PSAT1: variants seen among roughly 807,000 people sequenced by gnomAD.
PSAT1 encodes phosphoserine aminotransferase.
In PSAT1, 41 loss-of-function variants were observed where a neutral mutation model predicts 40.3. The observed-to-expected ratio is 1.02, with a 90% CI of 0.79 to 1.32. The LOEUF (loss-of-function observed/expected upper bound fraction) is 1.32, where lower values mean the gene tolerates loss of function less well. Among genes scored for constraint, PSAT1 ranks in the 40% most tolerant of loss-of-function variants. PSAT1 has a pLI of 0.00. For missense variants in PSAT1, 406 were observed against 455.8 expected (o/e 0.89, Z 0.99); for synonymous variants, 147 against 170.5 (o/e 0.86, Z 1.07).
chr9:78,303,429 A>G (rs1043244937), intron 3 of PSAT1, among the ~76,000 whole-genome samples: 1 of 152,116 alleles, frequency 6.6e-6, no homozygotes, highest in Non-Finnish European at 1.5e-5. Context: ...ATTTGACCAC[A>G]TGGCTATGAA....
intron 4 of PSAT1, among the ~76,000 whole-genome samples, chr9:78,305,203 C>T (rs1025438596): frequency 1.3e-4 from 20 of 152,230 alleles, no homozygotes; most frequent in African/African-American, 4.8e-4. Flanking sequence ...CAACCTCCGC[C>T]TCCCAGGTTC....
intron 6 of PSAT1, among the ~76,000 whole-genome samples, chr9:78,316,629 A>G (rs1335497210): frequency 6.6e-6 from 1 of 152,102 alleles, no homozygotes; most frequent in East Asian, 1.9e-4. Flanking sequence ...TACTGGCTGG[A>G]GGGTGGAGTT....
chr9:78,305,823 G>C (rs774842158), intron 4 of PSAT1, among the ~76,000 whole-genome samples: 3 of 152,178 alleles, frequency 2.0e-5, no homozygotes, highest in Non-Finnish European at 4.4e-5. Flanking sequence ...AATGGATGTA[G>C]GATAGATGGA....
intron 4 of PSAT1, among the ~76,000 whole-genome samples, chr9:78,305,810 A>G (rs1179890439): frequency 2.6e-5 from 4 of 152,238 alleles, no homozygotes; most frequent in African/African-American, 9.6e-5. Flanking sequence ...CTACTAGTCC[A>G]TCAATGGATG....
chr9:78,311,242 G>A (rs1029905538), intron 6 of PSAT1, among the ~76,000 whole-genome samples: 1 of 152,090 alleles, frequency 6.6e-6, no homozygotes, highest in Admixed American at 6.5e-5. Context: ...GCCTCCGGGG[G>A]AAGGGGCCGA....
At chr9:78,310,784 T>A (rs556205882) in intron 6 of PSAT1, among the ~76,000 whole-genome samples, 26 of 152,080 alleles carry the variant, frequency 1.7e-4, no homozygotes, top group South Asian at 1.5e-3. Flanking sequence ...CTTTTCGTAT[T>A]TTTAGTAGAG....
chr9:78,329,051 T>C lies in PSAT1; in HGVS notation c.1078T>C (p.Phe360Leu). The C allele has an allele frequency of 6.2e-7, 1 of 1,612,790 alleles. No homozygotes were observed. The highest frequency in any genetic ancestry group is 8.5e-7 in the Non-Finnish European group (1 of 1,179,840). The change falls in exon 9 of 9, where the codon TTC becomes CTC. Residue 360 changes from phenylalanine (F) to leucine (L), a missense_variant. Transcript: ENST00000376588. ...TGAAGACGTTCAGAAGCTGGCCGCC[T>C]TCATGAAAAAATTTTTGGAGATGCA... ...TIEDVQKLAA[F>L]MKKFLEMHQL is the part of the protein sequence containing the mutation.
intron 7 of PSAT1, among the ~76,000 whole-genome samples, chr9:78,325,053 G>A (rs540380788): frequency 3.7e-4 from 56 of 152,168 alleles, no homozygotes; most frequent in African/African-American, 1.3e-3. Flanking sequence ...GAATCAAAAT[G>A]TAAATACACA....
At chr9:78,313,597 G>A (rs1828297890) in intron 6 of PSAT1, among the ~76,000 whole-genome samples, 1 of 152,066 alleles carries the variant, frequency 6.6e-6, no homozygotes, top group African/African-American at 2.4e-5. Flanking sequence ...AATATACCAT[G>A]GGCATTCTGC....
At chr9:78,309,282 C>T (rs1431952154) in intron 6 of PSAT1, among the ~76,000 whole-genome samples, 1 of 152,244 alleles carries the variant, frequency 6.6e-6, no homozygotes, top group Non-Finnish European at 1.5e-5. Context: ...TGGGCCTCCC[C>T]TGCCTTCATT....
chr9:78,328,556 C>T (rs1473212246), intron 8 of PSAT1, among the ~76,000 whole-genome samples: 2 of 152,198 alleles, frequency 1.3e-5, no homozygotes, highest in Admixed American at 1.3e-4. Context: ...AGTAGCTAGT[C>T]TTGCATGCTC....
At chr9:78,303,725 A>T (rs1423340672) in intron 3 of PSAT1, among the ~76,000 whole-genome samples, 1 of 152,118 alleles carries the variant, frequency 6.6e-6, no homozygotes, top group Non-Finnish European at 1.5e-5. Context: ...TCAGGACAAG[A>T]TATTTACACT....
At chr9:78,313,496 GCAAATATACAGAGT>G (rs1828296606) in intron 6 of PSAT1, among the ~76,000 whole-genome samples, 1 of 152,162 alleles carries the variant, frequency 6.6e-6, no homozygotes, top group African/African-American at 2.4e-5. Context: ...CTGGGCATAT[GCAAATATACAGAGT>G]CATATATTTA....
intron 1 of PSAT1, among the ~76,000 whole-genome samples, chr9:78,298,144 G>A (rs1294427366): frequency 6.6e-6 from 1 of 151,956 alleles, no homozygotes; most frequent in Non-Finnish European, 1.5e-5. Context: ...GCCTTCCCAG[G>A]CCCCAGCCCG....
chr9:78,317,946 T>C lies in PSAT1; in HGVS notation c.869+142T>C, dbSNP rs979961760. ...TGAGTGTGTGTGGTCCTGGGCCCCATGAGCAGGGGAGTGGGTGGTGAGTTC... is the reference window on the plus strand; with the variant it reads ...TGAGTGTGTGTGGTCCTGGGCCCCACGAGCAGGGGAGTGGGTGGTGAGTTC... On this transcript the variant is annotated intron_variant, in intron 7 of 8. Transcript: ENST00000376588. The C allele has an allele frequency of 6.3e-5, 67 of 1,062,972 alleles. 2 individuals are homozygous for C. In the South Asian group the frequency reaches 8.5e-4, roughly 14 times the overall value. The allele number at this position is 1,062,972 out of a possible 1,614,324, so 65.8% of individuals were successfully genotyped here.
At chr9:78,301,387 C>T (rs990050453) in intron 2 of PSAT1, among the ~76,000 whole-genome samples, 4 of 152,290 alleles carry the variant, frequency 2.6e-5, no homozygotes, top group African/African-American at 7.2e-5. Context: ...ATGAAGACCT[C>T]GCACATTGAT....
chr9:78,308,667 C>T (rs1828221480), intron 6 of PSAT1, 84 bp downstream of exon 6: 4 of 1,533,514 alleles, frequency 2.6e-6, no homozygotes, highest in Non-Finnish European at 3.6e-6. Flanking sequence ...TAAAATAAAA[C>T]ATGTAAGCCT....
chr9:78,303,226 A>ATATTTTTGATAT (rs1162754575), intron 3 of PSAT1, among the ~76,000 whole-genome samples: 1 of 152,186 alleles, frequency 6.6e-6, no homozygotes, highest in Non-Finnish European at 1.5e-5. Flanking sequence ...TGATAAAATG[A>ATATTTTTGATAT]TTCAGATGGG....
In PSAT1 at chr9:78,317,703, G is replaced by A. The variant is rs752829741; in HGVS notation, c.768G>A (p.Glu256=). 3 of 1,613,898 alleles carry A rather than the reference G, an allele frequency of 1.9e-6. No homozygotes were observed. The highest frequency in any genetic ancestry group is 2.2e-5 in the South Asian group (2 of 91,072). ...TCTACGTCATGGGCTTGGTTCTGGA[G>A]TGGATTAAAAACAATGGAGGTGCCG... ...FSIYVMGLVL[E]WIKNNGGAAA... is the part of the protein sequence containing the mutation. Residue 256 remains glutamate (E), a synonymous_variant, in exon 7 of 9, where the codon GAG becomes GAA. Coordinates refer to ENST00000376588, the MANE Select transcript of PSAT1 (RefSeq NM_058179.4).
Sources: gnomAD v4.1 joint callset for allele counts (sites outside exome capture counted in the v4.1 genomes callset) on GRCh38, gnomAD v4.1.1 for gene constraint, MANE v1.5 for transcripts, NCBI Gene and HGNC (gene_info 2026-07-23, HGNC 2026-07-21) for gene names.